Variants in RBFOX2 observed in about 807,000 individuals in gnomAD.
RBFOX2 encodes RNA binding fox-1 homolog 2, also known as RNA binding protein fox-1 homolog 2.
RBFOX2 carries 10 observed loss-of-function variants against 49.1 expected under a neutral mutation model. The observed-to-expected ratio is 0.20, with a 90% CI of 0.13 to 0.35. The LOEUF is 0.35. Among genes scored for constraint, RBFOX2 ranks in the 10% least tolerant of loss-of-function variants. RBFOX2 has a pLI of 1.00. For synonymous variants in RBFOX2, 183 were observed against 187.4 expected (o/e 0.98, Z 0.19); for missense variants, 323 against 486.9 (o/e 0.66, Z 3.17).
rs576527525 is a variant in RBFOX2, at chr22:35,765,224, C to A, written c.607+199G>T. On this transcript the variant is annotated intron_variant, in intron 6 of 11. Coordinates refer to ENST00000405409, the Ensembl canonical transcript of RBFOX2. ...AAGATGAACATTACTTAGAACATAA[C>A]ACCTTAATAACTAAAAACTTAGCTC... Among the ~76,000 whole-genome samples the A allele has an allele frequency of 6.6e-5, 10 of 151,098 alleles. No individual in the cohort carries two copies. The South Asian group carries it at 2.1e-3, about 32-fold the overall frequency.
intron 2 of RBFOX2, among the ~76,000 whole-genome samples, chr22:35,802,231 A>G (rs1420126063): frequency 2.6e-5 from 4 of 152,216 alleles, no homozygotes; most frequent in African/African-American, 9.6e-5. Context: ...AATGGTAGCA[A>G]TAAAGGAAAA....
Position 35,955,609 on chromosome 22 carries a change from C to A in RBFOX2, c.42+5954G>T, listed in dbSNP as rs573702870. On this transcript the variant is annotated intron_variant, in intron 1 of 5. Coordinates refer to the RBFOX2 transcript ENST00000408983. Reference sequence around the variant, plus strand: ...GTTCCACCTCAAGTCATCAGGCATTCGATGGAACAGGCAACCTAGATCCCT... The same window carrying A: ...GTTCCACCTCAAGTCATCAGGCATTAGATGGAACAGGCAACCTAGATCCCT... 4.8e-4 allele frequency among the ~76,000 whole-genome samples: 73 copies of A among 152,194 alleles called. 1 individual carries two copies. The highest frequency in any genetic ancestry group is 3.5e-3 in the South Asian group (17 of 4,816).
chr22:35,755,973 A>ATG (rs949464585), intron 9 of RBFOX2, 132 bp downstream of exon 11: 1 of 405,118 alleles, frequency 2.5e-6, no homozygotes, highest in Non-Finnish European at 3.8e-6. Context: ...ATATATATAT[A>ATG]TCCACAAGGA....
chr22:35,778,978 T>G (rs903880394), intron 3 of RBFOX2, among the ~76,000 whole-genome samples: 2 of 152,220 alleles, frequency 1.3e-5, no homozygotes, highest in Non-Finnish European at 1.5e-5. Flanking sequence ...GTGTTACCAC[T>G]TCTATAGGCT....
intron 1 of RBFOX2, among the ~76,000 whole-genome samples, chr22:35,870,601 A>G (rs1167448458): frequency 1.3e-5 from 2 of 152,248 alleles, no homozygotes; most frequent in Non-Finnish European, 2.9e-5. Flanking sequence ...TGCAGACAAT[A>G]TAGATTTGGC....
At chr22:35,743,890 G>T in exon 12 of RBFOX2, 1 of 277,370 alleles carries the variant, frequency 3.6e-6, no homozygotes. Context: ...GTGATTGATA[G>T]AATAAGCTAA....
intron 1 of RBFOX2, among the ~76,000 whole-genome samples, chr22:35,820,087 T>A (rs1363094686): frequency 6.6e-6 from 1 of 152,066 alleles, no homozygotes; most frequent in Non-Finnish European, 1.5e-5. Flanking sequence ...TGGCAGGAGA[T>A]GAAGCGAGAA....
At chr22:35,829,007 C>T (rs1000995470) in intron 1 of RBFOX2, among the ~76,000 whole-genome samples, 10 of 152,000 alleles carry the variant, frequency 6.6e-5, no homozygotes, top group Admixed American at 3.9e-4. Context: ...GCCGAGATCG[C>T]GCCACTGCAC....
intron 1 of RBFOX2, among the ~76,000 whole-genome samples, chr22:35,888,850 T>C (rs958995452): frequency 2.0e-5 from 3 of 152,154 alleles, no homozygotes. Flanking sequence ...AAAACCTAGT[T>C]CCCTGCTTCC....
At chr22:35,830,669 T>C (rs1425362523) in intron 1 of RBFOX2, among the ~76,000 whole-genome samples, 2 of 152,190 alleles carry the variant, frequency 1.3e-5, no homozygotes, top group Admixed American at 6.5e-5. Flanking sequence ...AGTATTTGTG[T>C]GTCTAAATAT....
At chr22:35,857,706 T>C (rs2042668322) in intron 1 of RBFOX2, among the ~76,000 whole-genome samples, 2 of 152,170 alleles carry the variant, frequency 1.3e-5, no homozygotes, top group African/African-American at 4.8e-5. Flanking sequence ...ATCAACCATG[T>C]ACTCCAAAAA....
At chr22:35,844,061 G>A (rs756250469), upstream of RBFOX2, among the ~76,000 whole-genome samples, 1 of 151,984 alleles carries the variant, frequency 6.6e-6, no homozygotes, top group Non-Finnish European at 1.5e-5. Context: ...GAATATGGCC[G>A]ACTATATGGG....
exon 12 of RBFOX2, chr22:35,741,560 A>G (rs1317534343): frequency 6.6e-6 from 1 of 152,670 alleles, no homozygotes; most frequent in Non-Finnish European, 1.5e-5. Flanking sequence ...CCCAATTCTC[A>G]GTGTTGACAC....
intron 1 of RBFOX2, among the ~76,000 whole-genome samples, chr22:35,823,913 G>A (rs1211861141): frequency 3.3e-5 from 5 of 152,152 alleles, no homozygotes; most frequent in Admixed American, 1.3e-4. Context: ...ACTGTGGAAG[G>A]CCGAGGCGGG....
intron 1 of RBFOX2, among the ~76,000 whole-genome samples, chr22:36,005,424 TG>T (rs1199635483): frequency 1.3e-5 from 2 of 152,234 alleles, no homozygotes; most frequent in Non-Finnish European, 2.9e-5. Flanking sequence ...TGCAAAGAAG[TG>T]TCTAAACAAA....
At chr22:35,899,834 CCTAT>C (rs755827138) in intron 1 of RBFOX2, among the ~76,000 whole-genome samples, 1 of 152,090 alleles carries the variant, frequency 6.6e-6, no homozygotes, top group Non-Finnish European at 1.5e-5. Flanking sequence ...AGCTTATCAC[CCTAT>C]CTGTTAGTTC....
chr22:35,757,377 G>C (rs936291831), intron 9 of RBFOX2, among the ~76,000 whole-genome samples: 3 of 152,078 alleles, frequency 2.0e-5, no homozygotes, highest in African/African-American at 7.2e-5. Context: ...AGAGATAAAA[G>C]ATAAAACTTT....
At position 36,028,606 on chromosome 22, in the gene RBFOX2, C is replaced by T. The variant is rs967939169; in HGVS notation, c.-181G>A. Among the ~76,000 whole-genome samples the T allele has an allele frequency of 8.3e-4, 124 of 149,356 alleles. 1 individual carries two copies. The highest frequency in any genetic ancestry group is 1.3e-3 in the Non-Finnish European group (90 of 67,074). On this transcript the variant is annotated 5_prime_UTR_variant, in exon 1 of 14. Transcript: ENST00000438146. ...GCGCCTCGCGGCCGCCGCTCCTTGC[C>T]TGACCGCTTGCTCCCCGCCCGCCCG...
chr22:35,886,840 A>G (rs183590075), intron 1 of RBFOX2, among the ~76,000 whole-genome samples: 31 of 152,318 alleles, frequency 2.0e-4, no homozygotes, highest in African/African-American at 7.2e-4. Context: ...ACGACTGTAC[A>G]GTTTTCCAGA....
Sources: gnomAD v4.1 joint callset for allele counts (sites outside exome capture counted in the v4.1 genomes callset) on GRCh38, gnomAD v4.1.1 for gene constraint, MANE v1.5 for transcripts, NCBI Gene and HGNC (gene_info 2026-07-23, HGNC 2026-07-21) for gene names.